The following ARL15 variants were observed in gnomAD, a reference collection of about 807,000 sequenced individuals.
The protein encoded by ARL15 is ADP-ribosylation factor-like protein 15.
In ARL15, 19 loss-of-function variants were observed where a neutral mutation model predicts 25.2. That is an observed-to-expected ratio of 0.75 (90% CI 0.53 to 1.10). The LOEUF (loss-of-function observed/expected upper bound fraction) is 1.10. Ranked by LOEUF, ARL15 falls within the 50% of genes least tolerant of loss-of-function variation. ARL15 has a pLI of 0.00. For missense variants in ARL15, 220 were observed against 246.0 expected (o/e 0.89, Z 0.71); for synonymous variants, 94 against 86.8 (o/e 1.08, Z -0.46).
chr5:54,010,172 A>G (rs1231194988), intron 4 of ARL15, among the ~76,000 whole-genome samples: 2 of 152,218 alleles, frequency 1.3e-5, no homozygotes, highest in East Asian at 3.8e-4. Flanking sequence ...GGCAGGCTCA[A>G]CAGGACTAAA....
At chr5:54,169,175 T>A (rs563766152) in intron 2 of ARL15, among the ~76,000 whole-genome samples, 1 of 152,320 alleles carries the variant, frequency 6.6e-6, no homozygotes, top group South Asian at 2.1e-4. Flanking sequence ...TATATACAGA[T>A]AATCTTTTAC....
chr5:54,108,217 A>G lies in ARL15; in HGVS notation c.462+4985T>C, dbSNP rs186281128. Among the ~76,000 whole-genome samples the G allele has an allele frequency of 2.1e-3, 327 of 152,242 alleles. 2 individuals carry two copies. Among genetic ancestry groups the G allele is most frequent in the Non-Finnish European group, 2.7e-3 (183 of 67,974 alleles). On this transcript the variant is annotated intron_variant, in intron 4 of 4. Transcript: ENST00000504924. ...AGAGATAGCTGAGTCATTCAGTGGAAAATTGACTTCCAAACCCTCTCATTG... is the reference window on the plus strand; with the variant it reads ...AGAGATAGCTGAGTCATTCAGTGGAGAATTGACTTCCAAACCCTCTCATTG...
Position 54,113,225 on chromosome 5 carries a change from G to T in ARL15, c.439C>A (p.Pro147Thr). Reference sequence around the variant, plus strand: ...ACCTCTTGTACTGAGCGAGCTGCTGGCTTGTCTTGATGATTGGCCAATATT... The same window carrying T: ...ACCTCTTGTACTGAGCGAGCTGCTGTCTTGTCTTGATGATTGGCCAATATT... ...FLILANHQDK[P>T]AARSVQEIKK... is the part of the protein sequence containing the mutation. The change falls in exon 4 of 5, where the codon CCA (proline) becomes ACA (threonine). Residue 147 changes from proline (P) to threonine (T), a missense_variant. By Grantham distance (38) the Pro-to-Thr change is conservative (BLOSUM62 -1). Coordinates refer to ENST00000504924, the MANE Select transcript of ARL15 (RefSeq NM_019087.3). The T allele has an allele frequency of 6.2e-7, 1 of 1,613,726 alleles. No homozygotes were observed. The highest frequency in any genetic ancestry group is 8.5e-7 in the Non-Finnish European group (1 of 1,179,854).
At position 54,093,609 on chromosome 5, in the gene ARL15, T is replaced by C. The variant is rs545053350; in HGVS notation, c.462+19593A>G. Among the ~76,000 whole-genome samples, 4 of 151,868 alleles carry C rather than the reference T, an allele frequency of 2.6e-5. No homozygotes were observed. The South Asian group carries it at 8.3e-4, about 32-fold the overall frequency. On this transcript the variant is annotated intron_variant, in intron 4 of 4. Transcript: ENST00000504924. ...TGCTTCCTGCACATAGTCTACCCAT[T>C]AAATGACTGACTTGGATTTCTTGCA...
At chr5:53,992,915 G>A (rs961940581) in intron 4 of ARL15, among the ~76,000 whole-genome samples, 41 of 152,226 alleles carry the variant, frequency 2.7e-4, no homozygotes, top group African/African-American at 9.9e-4. Context: ...GCGTAGTGGC[G>A]CATGCCTGTA....
At chr5:54,269,552 T>C (rs1003551861) in intron 1 of ARL15, among the ~76,000 whole-genome samples, 1 of 152,232 alleles carries the variant, frequency 6.6e-6, no homozygotes, top group Non-Finnish European at 1.5e-5. Flanking sequence ...AAATCCATAA[T>C]GTATAAAAAG....
intron 4 of ARL15, among the ~76,000 whole-genome samples, chr5:53,914,173 G>A (rs1286616602): frequency 7.0e-6 from 1 of 142,944 alleles, no homozygotes; most frequent in Non-Finnish European, 1.5e-5. Context: ...ACACTTTATA[G>A]TTCTGTATTA....
At chr5:53,959,070 C>T (rs1747269595) in intron 4 of ARL15, among the ~76,000 whole-genome samples, 1 of 152,168 alleles carries the variant, frequency 6.6e-6, no homozygotes, top group Non-Finnish European at 1.5e-5. Context: ...ACCTAACAGA[C>T]ATACATAGAA....
At chr5:53,888,826 T>C (rs1744625207) in intron 4 of ARL15, among the ~76,000 whole-genome samples, 1 of 152,072 alleles carries the variant, frequency 6.6e-6, no homozygotes, top group African/African-American at 2.4e-5. Context: ...AAGTCCACCC[T>C]TAGAAGGAGG....
chr5:53,887,617 C>T (rs766548974), intron 4 of ARL15, among the ~76,000 whole-genome samples: 1 of 152,186 alleles, frequency 6.6e-6, no homozygotes, highest in Non-Finnish European at 1.5e-5. Flanking sequence ...CCGACTCATA[C>T]ACACTGTATC....
At chr5:53,930,063 G>C (rs1746152675) in intron 4 of ARL15, among the ~76,000 whole-genome samples, 1 of 152,092 alleles carries the variant, frequency 6.6e-6, no homozygotes, top group South Asian at 2.1e-4. Context: ...TACCTGGAGA[G>C]CCTCACATAA....
intron 1 of ARL15, among the ~76,000 whole-genome samples, chr5:54,301,911 A>G (rs1423220704): frequency 6.6e-6 from 1 of 152,266 alleles, no homozygotes; most frequent in Non-Finnish European, 1.5e-5. Flanking sequence ...GAGGAACTTG[A>G]TAAATGAGAT....
intron 1 of ARL15, among the ~76,000 whole-genome samples, chr5:54,247,805 G>C (rs1385792931): frequency 6.6e-6 from 1 of 152,022 alleles, no homozygotes; most frequent in East Asian, 1.9e-4. Context: ...ACAAATGCTT[G>C]TCAGGTTGGG....
rs149301799 is a variant in ARL15, at chr5:53,993,216, C to T, written c.463-106503G>A. Reference sequence around the variant, plus strand: ...ATGATAGAATAATCCCACTCCTAGTCGTTAGCCTTGGAACCAAACTGTTAA... The same window carrying T: ...ATGATAGAATAATCCCACTCCTAGTTGTTAGCCTTGGAACCAAACTGTTAA... On this transcript the variant is annotated intron_variant, in intron 4 of 4. Coordinates refer to ENST00000504924, the MANE Select transcript of ARL15 (RefSeq NM_019087.3). Among the ~76,000 whole-genome samples, 241 of 152,306 alleles carry T rather than the reference C, an allele frequency of 1.6e-3. 2 individuals carry two copies. Among genetic ancestry groups the T allele is most frequent in the African/African-American group, 4.1e-3 (169 of 41,568 alleles).
intron 4 of ARL15, among the ~76,000 whole-genome samples, chr5:54,010,663 A>T (rs1738887285): frequency 6.6e-6 from 1 of 152,190 alleles, no homozygotes; most frequent in South Asian, 2.1e-4. Flanking sequence ...AAATTATCGC[A>T]TTATTTTATT....
intron 4 of ARL15, among the ~76,000 whole-genome samples, chr5:54,025,362 A>G (rs1749759705): frequency 6.6e-6 from 1 of 152,048 alleles, no homozygotes; most frequent in Non-Finnish European, 1.5e-5. Flanking sequence ...AGCAAACCTA[A>G]TATCATGGCT....
At chr5:54,268,358 A>G (rs908352239) in intron 1 of ARL15, among the ~76,000 whole-genome samples, 3 of 152,054 alleles carry the variant, frequency 2.0e-5, no homozygotes, top group African/African-American at 7.2e-5. Context: ...TATTCTAATT[A>G]TACATTCGTC....
intron 2 of ARL15, among the ~76,000 whole-genome samples, chr5:54,163,876 T>C (rs1754493943): frequency 1.3e-5 from 2 of 152,064 alleles, no homozygotes; most frequent in Non-Finnish European, 2.9e-5. Context: ...TAATTTTCTC[T>C]ATGGCTCTTC....
intron 4 of ARL15, among the ~76,000 whole-genome samples, chr5:53,913,852 T>C (rs1022942464): frequency 5.3e-5 from 8 of 152,198 alleles, no homozygotes; most frequent in South Asian, 2.1e-4. Context: ...ATCACTCTAA[T>C]GGTATTTAAC....
Sources: allele counts gnomAD v4.1 joint callset (sites outside exome capture counted in the v4.1 genomes callset), GRCh38; gene constraint gnomAD v4.1.1; transcripts MANE v1.5; gene names NCBI Gene and HGNC (gene_info 2026-07-23, HGNC 2026-07-21).